TIAM2: variants seen among roughly 807,000 people sequenced by gnomAD.
TIAM2 encodes the protein TIAM Rac1 associated GEF 2, also known as rho guanine nucleotide exchange factor TIAM2.
A neutral mutation model predicts 152.9 loss-of-function variants in TIAM2; 80 were observed. That is an observed-to-expected ratio of 0.52 (90% CI 0.44 to 0.63). TIAM2 has a LOEUF of 0.63. TIAM2 is among the 30% of genes least tolerant of loss of function. TIAM2 has a pLI of 0.00. For missense variants in TIAM2, 1,965 were observed against 2,120.1 expected (o/e 0.93, Z 1.44); for synonymous variants, 804 against 838.0 (o/e 0.96, Z 0.70).
intron 1 of TIAM2, among the ~76,000 whole-genome samples, chr6:155,052,940 A>G (rs1418453972): frequency 6.6e-6 from 1 of 152,210 alleles, no homozygotes; most frequent in African/African-American, 2.4e-5. Context: ...GTTGACTGCT[A>G]TTAATTTAGA....
At chr6:155,187,605 G>GTTTTTTTTT (rs1781079225) in intron 14 of TIAM2, among the ~76,000 whole-genome samples, 1 of 65,044 alleles carries the variant, frequency 1.5e-5, no homozygotes, top group African/African-American at 6.4e-5. Context: ...TTGAGATGAA[G>GTTTTTTTTT]TTTTGCTCTT....
intron 1 of TIAM2, among the ~76,000 whole-genome samples, chr6:155,054,591 T>TGTTTTGTTTTGTTTTG (rs5881117): frequency 6.7e-6 from 1 of 149,628 alleles, no homozygotes; most frequent in South Asian, 2.1e-4. Context: ...TGTTTTGTTT[T>TGTTTTGTTTTGTTTTG]TTTTTTTTGA....
chr6:155,064,949 A>G (rs1009393309), intron 1 of TIAM2, among the ~76,000 whole-genome samples: 2 of 149,376 alleles, frequency 1.3e-5, no homozygotes, highest in African/African-American at 4.9e-5. Context: ...TTGTTCCTAT[A>G]TACAGTATTT....
At chr6:155,179,230 T>A in intron 11 of TIAM2, 87 bp downstream of exon 11, 1 of 1,459,754 alleles carries the variant, frequency 6.9e-7, no homozygotes, top group East Asian at 2.3e-5. Context: ...GGGAAAATTC[T>A]GTTTAAATTT....
chr6:155,225,760 C>G (rs184817245), intron 15 of TIAM2, among the ~76,000 whole-genome samples: 140 of 150,848 alleles, frequency 9.3e-4, no homozygotes, highest in African/African-American at 3.3e-3. Context: ...GTGGTAAAGT[C>G]TCAGATAAAT....
intron 2 of TIAM2, among the ~76,000 whole-genome samples, chr6:155,106,565 G>A (rs1017235516): frequency 4.6e-5 from 7 of 152,180 alleles, no homozygotes; most frequent in African/African-American, 1.7e-4. Flanking sequence ...TTATTTTTAA[G>A]GGCCTCTCTT....
chr6:155,178,741 A>G (rs1780819672), intron 10 of TIAM2, among the ~76,000 whole-genome samples: 1 of 151,910 alleles, frequency 6.6e-6, no homozygotes, highest in Non-Finnish European at 1.5e-5. Context: ...CACCTGGCTA[A>G]TTTTTGTATT....
intron 15 of TIAM2, among the ~76,000 whole-genome samples, chr6:155,222,294 GT>G (rs1276460222): frequency 1.4e-5 from 2 of 143,210 alleles, no homozygotes; most frequent in Non-Finnish European, 3.0e-5. Flanking sequence ...TCGACATGGG[GT>G]ACACTCGGAG....
At chr6:155,134,329 T>G (rs188471129) in intron 4 of TIAM2, among the ~76,000 whole-genome samples, 247 of 152,208 alleles carry the variant, frequency 1.6e-3, no homozygotes, top group African/African-American at 5.6e-3. Flanking sequence ...TTTGGAAATT[T>G]ATTAGAGACT....
rs757319141 is a variant in TIAM2 at position 155,177,007 on chromosome 6, C to G, written c.2523+30C>G. 46 of 1,590,316 alleles carry G rather than the reference C, an allele frequency of 2.9e-5. No individual in the cohort carries two copies. In the East Asian group the frequency reaches 1.0e-3, roughly 36 times the overall value. The stretch of plus-strand genomic sequence containing the variant: ...CGGATTTTGCTGCAGAAATATATTT[C>G]TGAATAGAAATAATCATTAATGTTG... On this transcript the variant is annotated intron_variant, in intron 10 of 26. Coordinates refer to ENST00000682666, the MANE Select transcript of TIAM2 (RefSeq NM_012454.4).
At chr6:155,216,565 G>A (rs1344462409) in intron 15 of TIAM2, 1 of 153,052 alleles carries the variant, frequency 6.5e-6, no homozygotes, top group African/African-American at 2.4e-5. Context: ...CCTGTAGGGG[G>A]GGATTTTTTT....
intron 1 of TIAM2, among the ~76,000 whole-genome samples, chr6:155,048,776 T>A (rs931224802): frequency 7.9e-5 from 12 of 151,730 alleles, no homozygotes; most frequent in Admixed American, 3.9e-4. Flanking sequence ...CAGAAGGAGA[T>A]CTTGAAATCC....
chr6:155,120,763 G>A (rs1012967078), intron 2 of TIAM2, among the ~76,000 whole-genome samples: 1 of 152,138 alleles, frequency 6.6e-6, no homozygotes, highest in Non-Finnish European at 1.5e-5. Context: ...TGTTGTACGG[G>A]GTTCAGTAGT....
At chr6:155,028,708 T>C (rs1314228926) in intron 1 of TIAM2, among the ~76,000 whole-genome samples, 2 of 85,362 alleles carry the variant, frequency 2.3e-5, no homozygotes, top group Non-Finnish European at 4.7e-5. Context: ...TACTGTGTTA[T>C]ATATATACTA....
At chr6:155,220,497 C>G (rs967336546) in intron 15 of TIAM2, among the ~76,000 whole-genome samples, 1 of 152,144 alleles carries the variant, frequency 6.6e-6, no homozygotes, top group African/African-American at 2.4e-5. Context: ...GTCTCCTGAT[C>G]CTGATCTGGA....
At chr6:155,255,515 T>C (rs972901420) in intron 26 of TIAM2, 11 of 152,180 alleles carry the variant, frequency 7.2e-5, no homozygotes, top group Admixed American at 4.6e-4. Context: ...ATTTTCTCCA[T>C]TGTCAAAATA....
rs554255623 is a variant in TIAM2, at chr6:155,023,218, C to T, written c.-209+27726C>T. Among the ~76,000 whole-genome samples the T allele has an allele frequency of 2.6e-5, 4 of 152,132 alleles. No homozygotes were observed. In the South Asian group the frequency reaches 8.3e-4, roughly 32 times the overall value. On this transcript the variant is annotated intron_variant, in intron 1 of 26. Transcript: ENST00000682666. ...ATTGACTTTGAAGGAAAATCTGAGC[C>T]AGGTGGGAATCTCTGCTCTAGAAGT... is the stretch of plus-strand genomic sequence containing the variant.
chr6:155,220,447 C>T (rs1782004787), intron 15 of TIAM2, among the ~76,000 whole-genome samples: 1 of 152,148 alleles, frequency 6.6e-6, no homozygotes, highest in African/African-American at 2.4e-5. Flanking sequence ...CAGTAAGAAC[C>T]CCAGGAGCCC....
At chr6:155,036,984 T>A (rs1302296618) in intron 1 of TIAM2, among the ~76,000 whole-genome samples, 1 of 152,150 alleles carries the variant, frequency 6.6e-6, no homozygotes, top group Non-Finnish European at 1.5e-5. Flanking sequence ...GAATTTCGCC[T>A]TTGTCCTTAG....
Sources: gnomAD v4.1 joint callset for allele counts (sites outside exome capture counted in the v4.1 genomes callset) on GRCh38, gnomAD v4.1.1 for gene constraint, MANE v1.5 for transcripts, NCBI Gene and HGNC (gene_info 2026-07-23, HGNC 2026-07-21) for gene names.